Variants in KDM4A observed in about 807,000 individuals in gnomAD.
KDM4A encodes lysine-specific demethylase 4A.
A neutral mutation model predicts 127.1 loss-of-function variants in KDM4A; 23 were observed. The ratio of observed to expected loss-of-function variants is 0.18; its 90% CI spans 0.13 to 0.26. The LOEUF is 0.26. KDM4A is among the 10% of genes least tolerant of loss of function. KDM4A has a pLI of 1.00. For missense variants in KDM4A, 890 were observed against 1,329.1 expected (o/e 0.67, Z 5.14); for synonymous variants, 443 against 466.5 (o/e 0.95, Z 0.65).
Position 43,694,825 on chromosome 1 carries a change from G to A in KDM4A, c.2601G>A (p.Met867Ile), listed in dbSNP as rs774124041. The A allele has an allele frequency of 1.9e-6, 3 of 1,613,956 alleles. No individual in the cohort carries two copies. Among genetic ancestry groups the A allele is most frequent in the Admixed American group, 1.7e-5 (1 of 60,008 alleles). Residue 867 changes from methionine (M) to isoleucine (I), a missense_variant, in exon 18 of 22, where the codon ATG becomes ATA. By Grantham distance (10) the Met-to-Ile change is conservative. This residue lies in a region of KDM4A where 246 missense variants were observed against 418.4 expected (regional missense o/e 0.59). Coordinates refer to ENST00000372396, the MANE Select transcript of KDM4A (RefSeq NM_014663.3). This position sits in a 1 kb window ranked among gnomAD's most constrained non-coding sequence, Gnocchi z 5.2. Reference sequence around the variant, plus strand: ...GCTGCGCCCAGGCTGCCGGTGTGATGATGCAGCCTGACGACTGGCCTTTTG... The same window carrying A: ...GCTGCGCCCAGGCTGCCGGTGTGATAATGCAGCCTGACGACTGGCCTTTTG... ...HVSCAQAAGV[M>I]MQPDDWPFVV... is the part of the protein sequence containing the mutation.
At chr1:43,670,251 G>A (rs1035273568) in intron 10 of KDM4A, among the ~76,000 whole-genome samples, 1 of 152,206 alleles carries the variant, frequency 6.6e-6, no homozygotes, top group African/African-American at 2.4e-5. Flanking sequence ...ATGACCCAAA[G>A]ATGTGGTCTG....
In KDM4A at chr1:43,664,093, A is replaced by G. The variant is rs1021317867; in HGVS notation, c.623+1006A>G. On this transcript the variant is annotated intron_variant, in intron 5 of 21. Coordinates refer to ENST00000372396, the MANE Select transcript of KDM4A (RefSeq NM_014663.3). Reference sequence around the variant, plus strand: ...CTCTGAAGGGGAAGAAGTGGGTGCTAAGGTCCACATAAGAAGGATAGATGG... The same window carrying G: ...CTCTGAAGGGGAAGAAGTGGGTGCTGAGGTCCACATAAGAAGGATAGATGG... Among the ~76,000 whole-genome samples the G allele has an allele frequency of 9.8e-5, 15 of 152,326 alleles. No individual in the cohort carries two copies. The East Asian group carries it at 2.5e-3, about 25-fold the overall frequency.
At chr1:43,675,788 A>G (rs1025217005) in intron 11 of KDM4A, among the ~76,000 whole-genome samples, 3 of 152,122 alleles carry the variant, frequency 2.0e-5, no homozygotes, top group African/African-American at 7.2e-5. Flanking sequence ...CGCACACACA[A>G]AGGGCCGGGT....
At chr1:43,674,903 T>C (rs1278392965) in intron 11 of KDM4A, among the ~76,000 whole-genome samples, 1 of 152,054 alleles carries the variant, frequency 6.6e-6, no homozygotes, top group Non-Finnish European at 1.5e-5. Context: ...TAGGCCAGAA[T>C]GCACTCCCTC....
chr1:43,651,618 G>GC (rs909981733), intron 1 of KDM4A, among the ~76,000 whole-genome samples: 1 of 152,008 alleles, frequency 6.6e-6, no homozygotes, highest in African/African-American at 2.4e-5. Context: ...GAGCTGAACC[G>GC]CCATACCTTT....
chr1:43,683,986 A>G (rs559089531), intron 12 of KDM4A, among the ~76,000 whole-genome samples, 182 bp downstream of exon 12: 2 of 152,320 alleles, frequency 1.3e-5, no homozygotes, highest in South Asian at 2.1e-4. Flanking sequence ...AGATTCCATT[A>G]TAAGTTTGAG....
chr1:43,687,782 T>C (rs925907071), intron 12 of KDM4A, among the ~76,000 whole-genome samples: 17 of 152,362 alleles, frequency 1.1e-4, no homozygotes, highest in African/African-American at 4.1e-4. Flanking sequence ...ATCACTTACA[T>C]GAGTTTTGTG....
At chr1:43,678,502 A>G (rs1660788004) in intron 11 of KDM4A, among the ~76,000 whole-genome samples, 3 of 151,468 alleles carry the variant, frequency 2.0e-5, no homozygotes, top group Admixed American at 2.0e-4. Flanking sequence ...CAAGTGGGGG[A>G]AGTTGAAGAG....
chr1:43,652,808 G>A (rs1245619135), intron 1 of KDM4A, among the ~76,000 whole-genome samples: 3 of 150,762 alleles, frequency 2.0e-5, no homozygotes, highest in Non-Finnish European at 2.9e-5. Flanking sequence ...TCAGCCTCCC[G>A]AGTAGCTAGG....
In KDM4A at chr1:43,666,084, T is replaced by C. The variant is rs145204861; in HGVS notation, c.673+339T>C. On this transcript the variant is annotated intron_variant, in intron 6 of 21. Coordinates refer to ENST00000372396, the MANE Select transcript of KDM4A (RefSeq NM_014663.3). ...TCTTTTAAGTGGACTTAGATTTGTA[T>C]GTCTGGAGAACATAGGAAAGCCTGG... 1.6e-3 allele frequency among the ~76,000 whole-genome samples: 248 copies of C among 152,354 alleles called. 1 individual carries two copies. Among genetic ancestry groups the C allele is most frequent in the Middle Eastern group, 6.8e-3 (2 of 294 alleles).
chr1:43,691,707 A>G, intron 15 of KDM4A, 135 bp downstream of exon 15: 1 of 743,504 alleles, frequency 1.3e-6, no homozygotes, highest in Non-Finnish European at 2.3e-6. Context: ...GAGAGCGAGT[A>G]TTGTGAGAGT....
intron 12 of KDM4A, among the ~76,000 whole-genome samples, chr1:43,684,999 G>A (rs1239768100): frequency 6.6e-6 from 1 of 152,108 alleles, no homozygotes; most frequent in Admixed American, 6.6e-5. Context: ...AGCTTTGGTT[G>A]GGGAAACCTG....
rs1403425696 is a variant in KDM4A at position 43,688,237 on chromosome 1, C to G, written c.1856-677C>G. Among the ~76,000 whole-genome samples, 3 of 152,144 alleles carry G rather than the reference C, an allele frequency of 2.0e-5. No individual in the cohort carries two copies. The highest frequency in any genetic ancestry group is 7.2e-5 in the African/African-American group (3 of 41,426). ...CCATCATAAAAATGTAAAAACAATT[C>G]TTAGCTTCCTCAGTGGGCTGGATTC... On this transcript the variant is annotated intron_variant, in intron 12 of 21. Coordinates refer to ENST00000372396, the MANE Select transcript of KDM4A (RefSeq NM_014663.3). The surrounding 1 kb of genome is among the most constrained non-coding windows in gnomAD (Gnocchi z 4.4).
At chr1:43,692,219 T>A (rs1292172635) in intron 15 of KDM4A, 37 bp from the exon 16 acceptor site, 1 of 1,587,510 alleles carries the variant, frequency 6.3e-7, no homozygotes, top group Non-Finnish European at 8.7e-7. Context: ...AATGACTTGG[T>A]ATTAACCACT....
intron 19 of KDM4A, among the ~76,000 whole-genome samples, chr1:43,699,176 A>G (rs903494690): frequency 6.6e-6 from 1 of 151,440 alleles, no homozygotes; most frequent in Non-Finnish European, 1.5e-5. Flanking sequence ...AGCTCCTGCA[A>G]TCTCAAACTC....
chr1:43,694,645 GAAC>G lies in KDM4A; in HGVS notation c.2485-59_2485-57del. 1 of 1,445,538 alleles carries G rather than the reference GAAC, an allele frequency of 6.9e-7. No homozygotes were observed. Among genetic ancestry groups the G allele is most frequent in the Non-Finnish European group, 9.5e-7 (1 of 1,047,348 alleles). The allele number at this position is 1,445,538 out of a possible 1,614,324, so 89.5% of individuals were successfully genotyped here. On this transcript the variant is annotated intron_variant, in intron 17 of 21. Coordinates refer to ENST00000372396, the MANE Select transcript of KDM4A (RefSeq NM_014663.3). The surrounding 1 kb of genome is among the most constrained non-coding windows in gnomAD (Gnocchi z 5.2). ...TTGCTTGGCTTTGCATTTGGGAGGG[GAAC>G]AACAGAGGAAGCTGCAGTGCCAGTT...
chr1:43,654,702 A>T (rs1351924479), intron 2 of KDM4A, among the ~76,000 whole-genome samples: 1 of 131,872 alleles, frequency 7.6e-6, no homozygotes. Context: ...GATGCTTGTG[A>T]GTGTGTGTGT....
At chr1:43,657,252 G>C (rs1369407804) in intron 3 of KDM4A, among the ~76,000 whole-genome samples, 2 of 151,600 alleles carry the variant, frequency 1.3e-5, no homozygotes, top group East Asian at 1.9e-4. Flanking sequence ...CGCCAGGCTA[G>C]AGTGCAGTGG....
intron 14 of KDM4A, 75 bp from the exon 15 acceptor site, chr1:43,691,421 A>G: frequency 3.3e-6 from 4 of 1,205,356 alleles, no homozygotes; most frequent in South Asian, 2.4e-5. Context: ...GAGGTGGTAT[A>G]TGGAAAGGAA....
Sources: gnomAD v4.1 joint callset for allele counts (sites outside exome capture counted in the v4.1 genomes callset) on GRCh38, gnomAD v4.1.1 for gene constraint, gnomAD v4.1.1 regional missense constraint, Gnocchi (gnomAD v3.1) non-coding constraint, MANE v1.5 for transcripts, NCBI Gene and HGNC (gene_info 2026-07-23, HGNC 2026-07-21) for gene names.